ROBO2: variants seen among roughly 807,000 people sequenced by gnomAD.
ROBO2 encodes roundabout guidance receptor 2, also known as roundabout homolog 2.
ROBO2 carries 53 observed loss-of-function variants against 160.8 expected under a neutral mutation model. The ratio of observed to expected loss-of-function variants is 0.33; its 90% CI spans 0.26 to 0.41. ROBO2 has a LOEUF of 0.41. Among genes scored for constraint, ROBO2 ranks in the 10% least tolerant of loss-of-function variants. The probability of loss-of-function intolerance (pLI) is 1.00; values close to 1 mark genes in which losing one functional copy is unlikely to be tolerated. For synonymous variants in ROBO2, 664 were observed against 611.7 expected (o/e 1.09, Z -1.26); for missense variants, 1,577 against 1,722.4 (o/e 0.92, Z 1.49).
At chr3:76,826,040 A>T (rs1370032583) in intron 2 of ROBO2, among the ~76,000 whole-genome samples, 11 of 147,674 alleles carry the variant, frequency 7.4e-5, no homozygotes, top group African/African-American at 2.7e-4. Context: ...ACATTCAATC[A>T]GTGAGTTTGT....
chr3:76,507,085 A>G (rs2080838226), intron 2 of ROBO2, among the ~76,000 whole-genome samples: 1 of 152,118 alleles, frequency 6.6e-6, no homozygotes, highest in East Asian at 1.9e-4. Context: ...CTTGAGTTAC[A>G]TGTTTACATG....
intron 1 of ROBO2, among the ~76,000 whole-genome samples, chr3:77,058,755 C>T (rs2066000254): frequency 6.6e-6 from 1 of 151,340 alleles, no homozygotes; most frequent in Admixed American, 6.6e-5. Flanking sequence ...CCAGGCTGGT[C>T]TCCAACTCCT....
chr3:76,854,057 T>TGC (rs1559605381), intron 2 of ROBO2, among the ~76,000 whole-genome samples: 8 of 91,470 alleles, frequency 8.7e-5, no homozygotes, highest in Non-Finnish European at 1.9e-4. Flanking sequence ...TCTCTCTCTC[T>TGC]CTCTCTCTCT....
chr3:76,724,381 A>G (rs1576248283), intron 2 of ROBO2, among the ~76,000 whole-genome samples: 1 of 152,202 alleles, frequency 6.6e-6, no homozygotes, highest in African/African-American at 2.4e-5. Flanking sequence ...CTTGACTGCT[A>G]TATCCAGCCA....
intron 2 of ROBO2, among the ~76,000 whole-genome samples, chr3:77,276,993 G>T (rs529264402): frequency 8.5e-5 from 13 of 152,104 alleles, no homozygotes; most frequent in Non-Finnish European, 1.2e-4. Context: ...CCCTGCCCTT[G>T]ACTCATGGGG....
At chr3:76,323,807 A>G (rs1266494812) in intron 2 of ROBO2, among the ~76,000 whole-genome samples, 1 of 152,238 alleles carries the variant, frequency 6.6e-6, no homozygotes, top group Non-Finnish European at 1.5e-5. Context: ...TGACTCCAGC[A>G]CATGCCTCCT....
chr3:76,041,749 C>T (rs999395391), intron 2 of ROBO2, among the ~76,000 whole-genome samples: 1 of 151,804 alleles, frequency 6.6e-6, no homozygotes, highest in African/African-American at 2.4e-5. Context: ...TAAGGTCATT[C>T]TATTGGCATT....
At chr3:76,421,169 G>A (rs891755861) in intron 2 of ROBO2, among the ~76,000 whole-genome samples, 1 of 152,048 alleles carries the variant, frequency 6.6e-6, no homozygotes, top group Admixed American at 6.6e-5. Flanking sequence ...ATCTATTTTA[G>A]CTCTACACAT....
chr3:76,216,464 G>A (rs1309821128), intron 2 of ROBO2, among the ~76,000 whole-genome samples: 8 of 152,142 alleles, frequency 5.3e-5, no homozygotes, highest in Non-Finnish European at 7.3e-5. Context: ...GATGGAGGAA[G>A]ATCTACCAAG....
chr3:77,457,337 A>G (rs570097788), intron 2 of ROBO2, among the ~76,000 whole-genome samples: 2 of 152,268 alleles, frequency 1.3e-5, no homozygotes, highest in South Asian at 4.1e-4. Context: ...TTAGTTTTTA[A>G]CCAGCAATAG....
At chr3:77,596,551 T>C (rs2094307863) in intron 18 of ROBO2, 72 bp from the exon 20 acceptor site, 2 of 1,576,598 alleles carry the variant, frequency 1.3e-6, no homozygotes, top group Non-Finnish European at 1.7e-6. Context: ...TAACGCTTTA[T>C]ATTGCATGAG....
At chr3:76,370,629 A>G (rs1411999774) in intron 2 of ROBO2, among the ~76,000 whole-genome samples, 1 of 151,930 alleles carries the variant, frequency 6.6e-6, no homozygotes, top group African/African-American at 2.4e-5. Context: ...TGGAGCTGAC[A>G]TTTCTTGTCC....
chr3:76,467,893 A>G (rs2078446323), intron 2 of ROBO2, among the ~76,000 whole-genome samples: 1 of 152,164 alleles, frequency 6.6e-6, no homozygotes, highest in African/African-American at 2.4e-5. Flanking sequence ...TATTTTGAGC[A>G]TTCAGTGGCA....
chr3:76,491,458 A>G (rs1414990571), intron 2 of ROBO2, among the ~76,000 whole-genome samples: 2 of 152,156 alleles, frequency 1.3e-5, no homozygotes, highest in Non-Finnish European at 2.9e-5. Flanking sequence ...GGAACTTGGA[A>G]GTTACTGGAG....
chr3:77,044,883 T>A (rs533075635), intron 1 of ROBO2, among the ~76,000 whole-genome samples: 2 of 152,222 alleles, frequency 1.3e-5, no homozygotes, highest in Admixed American at 1.3e-4. Flanking sequence ...TTGCTGTATT[T>A]CTTAAAGGTT....
rs2092535324 is a variant in ROBO2 at position 76,680,619 on chromosome 3, C to T, written c.110-417395C>T. Among the ~76,000 whole-genome samples, 3 of 151,856 alleles carry T rather than the reference C, an allele frequency of 2.0e-5. 1 individual carries two copies. The South Asian group carries it at 6.2e-4, about 32-fold the overall frequency. ...TCCATATTCCCACATAAAATAGTCT[C>T]AATATTTTGTGTGATATAGATTTTT... On this transcript the variant is annotated intron_variant, in intron 2 of 26. Coordinates refer to the ROBO2 transcript ENST00000487694.
chr3:77,315,354 G>A (rs115135323), intron 2 of ROBO2, among the ~76,000 whole-genome samples: 3 of 152,138 alleles, frequency 2.0e-5, no homozygotes, highest in Non-Finnish European at 2.9e-5. Flanking sequence ...TGAGTTACAA[G>A]GTCTGAGGGT....
intron 2 of ROBO2, among the ~76,000 whole-genome samples, chr3:76,111,656 CATT>C (rs774253557): frequency 2.0e-5 from 3 of 152,004 alleles, no homozygotes; most frequent in Non-Finnish European, 2.9e-5. Flanking sequence ...CATCTTCTCT[CATT>C]ATGATTCAAA....
chr3:77,558,717 C>G lies in ROBO2; in HGVS notation c.1437+568C>G, dbSNP rs543878286. Among the ~76,000 whole-genome samples, 9 of 152,132 alleles carry G rather than the reference C, an allele frequency of 5.9e-5. No homozygotes were observed. In the East Asian group the frequency reaches 1.6e-3, roughly 26 times the overall value. ...TGACGTTTACATGATAAAAAATGAG[C>G]ATTCCTGGCAACTTAACAAGTCAGT... On this transcript the variant is annotated intron_variant, in intron 9 of 25. Coordinates refer to ENST00000461745, the Ensembl canonical transcript of ROBO2.
Sources: gnomAD v4.1 joint callset for allele counts (sites outside exome capture counted in the v4.1 genomes callset) on GRCh38, gnomAD v4.1.1 for gene constraint, MANE v1.5 for transcripts, NCBI Gene and HGNC (gene_info 2026-07-23, HGNC 2026-07-21) for gene names.